Variants in TMEM225B observed in about 807,000 individuals in gnomAD.
The protein encoded by TMEM225B is transmembrane protein 225-like.
Under a neutral mutation model 16.9 loss-of-function variants are expected in TMEM225B, and 10 were observed. The observed-to-expected ratio is 0.59, with a 90% confidence interval of 0.36 to 1.00. TMEM225B has a LOEUF of 1.00. Among genes scored for constraint, TMEM225B ranks in the 50% least tolerant of loss-of-function variants. The pLI, the probability that TMEM225B is intolerant of heterozygous loss-of-function variation, is 0.01. For synonymous variants in TMEM225B, 92 were observed against 109.8 expected, an observed-to-expected ratio of 0.84 and a Z score of 1.01; for missense variants, 217 against 267.0, an observed-to-expected ratio of 0.81 and a Z score of 1.30.
chr7:99,607,539 T>G, intron 4 of TMEM225B, 134 bp from the exon 5 acceptor site: 1 of 787,436 alleles, frequency 1.3e-6, no homozygotes, highest in Non-Finnish European at 2.0e-6. Context: ...GGGACAGGCA[T>G]CTGGGTAGGA....
Position 99,610,461 on chromosome 7 carries a change from G to C in TMEM225B, c.562G>C (p.Glu188Gln). ...WHLLSTSQSM[E>Q]EDHGSLYLDN... ...CTTGTTGTCCACTTCCCAGAGTATG[G>C]AGGAGGACCACGGGAGCCTGTACCT... Residue 188 changes from glutamate to glutamine, a missense_variant, in exon 6 of 6, where the codon GAG becomes CAG. Physicochemically the swap from Glu to Gln is conservative, Grantham distance 29. Coordinates refer to ENST00000431679, the MANE Select transcript of TMEM225B (RefSeq NM_001195541.3). 1 of 1,536,114 alleles carries C rather than the reference G, an allele frequency of 6.5e-7. No homozygotes were observed. Among genetic ancestry groups the C allele is most frequent in the Non-Finnish European group, 8.7e-7 (1 of 1,146,906 alleles).
intron 2 of TMEM225B, among the ~76,000 whole-genome samples, chr7:99,602,339 GGGTGT>G (rs1268555202): frequency 6.6e-6 from 1 of 152,194 alleles, no homozygotes; most frequent in East Asian, 1.9e-4. Context: ...TCCTGAAGTT[GGGTGT>G]GGCCTCCAGC....
At chr7:99,607,540 CTGGGTAGGA>C in intron 4 of TMEM225B, 124 bp from the exon 5 acceptor site, 3 of 799,584 alleles carry the variant, frequency 3.8e-6, no homozygotes, top group Non-Finnish European at 5.7e-6. Flanking sequence ...GGACAGGCAT[CTGGGTAGGA>C]GTTTTGTTTC....
chr7:99,600,332 C>T (rs1192071382), intron 2 of TMEM225B, 47 bp downstream of exon 2: 9 of 702,218 alleles, frequency 1.3e-5, no homozygotes, highest in Middle Eastern at 4.6e-4. Context: ...GGGAGGGCTG[C>T]GTGGAGTGGA....
Position 99,600,296 on chromosome 7 carries a change from A to G in TMEM225B, c.-4+11A>G. 1 of 702,848 alleles carries G rather than the reference A, an allele frequency of 1.4e-6. No homozygotes were observed. Among genetic ancestry groups the G allele is most frequent in the Non-Finnish European group, 2.6e-6 (1 of 384,954 alleles). 43.5% of individuals were successfully genotyped at this position (702,848 alleles called of 1,614,324 possible). A position where few individuals can be genotyped will look rare whatever the true frequency, so the allele number is the denominator to read the frequency against. On this transcript the variant is annotated intron_variant, in intron 2 of 5. Coordinates refer to ENST00000431679, the MANE Select transcript of TMEM225B (RefSeq NM_001195541.3). ...GGAGTGGGGCGACCTGTAAGTGCACAGTGAATTTTTGCTGAGGGAGTGGCT... is the reference window on the plus strand; with the variant it reads ...GGAGTGGGGCGACCTGTAAGTGCACGGTGAATTTTTGCTGAGGGAGTGGCT...
chr7:99,603,263 C>A (rs1052563923), intron 2 of TMEM225B, among the ~76,000 whole-genome samples: 2 of 152,190 alleles, frequency 1.3e-5, no homozygotes, highest in African/African-American at 4.8e-5. Flanking sequence ...AGGCCAGTCA[C>A]TGAATAAGGG....
In TMEM225B at chr7:99,606,860, A is replaced by G; in HGVS notation, c.321A>G (p.Gln107=). ...AGTTCTTCCCGAGGACCTGGAAGCA[A>G]AACTTTGTGTTAGCCTGCATCAGCT... ...ASEFFPRTWK[Q]NFVLACISFF... is the part of the protein sequence containing the mutation. The change falls in exon 4 of 6, where the codon CAA becomes CAG. Residue 107 remains glutamine, a synonymous_variant. Transcript: ENST00000431679. The G allele has an allele frequency of 6.5e-7, 1 of 1,536,140 alleles. No homozygotes were observed. Among genetic ancestry groups the G allele is most frequent in the Non-Finnish European group, 8.7e-7 (1 of 1,146,894 alleles).
At chr7:99,598,994 G>A (rs9641254) in intron 1 of TMEM225B, among the ~76,000 whole-genome samples, 2 of 152,146 alleles carry the variant, frequency 1.3e-5, no homozygotes, top group Non-Finnish European at 2.9e-5. Flanking sequence ...CGCTGTGGCT[G>A]TGTCGCCCAG....
At position 99,610,712 on chromosome 7, in the gene TMEM225B, C is replaced by G. The variant is rs1049350900; in HGVS notation, c.*147C>G. On this transcript the variant is annotated 3_prime_UTR_variant, in exon 6 of 6. Coordinates refer to ENST00000431679, the MANE Select transcript of TMEM225B (RefSeq NM_001195541.3). Reference sequence around the variant, plus strand: ...TCAACTCTCCACCTCCCCATACTCACAGTGATTCTATCTTGCTTGTATGTG... The same window carrying G: ...TCAACTCTCCACCTCCCCATACTCAGAGTGATTCTATCTTGCTTGTATGTG... 9 of 594,612 alleles carry G rather than the reference C, an allele frequency of 1.5e-5. No homozygotes were observed. Among genetic ancestry groups the G allele is most frequent in the African/African-American group, 1.3e-4 (7 of 54,486 alleles). 36.8% of individuals were successfully genotyped at this position (594,612 alleles called of 1,614,324 possible).
intron 2 of TMEM225B, 131 bp downstream of exon 2, chr7:99,600,416 A>G (rs1805261103): frequency 1.5e-6 from 1 of 649,336 alleles, no homozygotes; most frequent in Non-Finnish European, 2.8e-6. Flanking sequence ...CCCCGCCCCC[A>G]GGAAGGAACC....
Position 99,604,555 on chromosome 7 carries a change from A to G in TMEM225B, c.167A>G (p.Asn56Ser), listed in dbSNP as rs2151204762. ...HEVFFSGLFENCFNAKCWKPR... is the reference protein window; with the variant it reads ...HEVFFSGLFESCFNAKCWKPR... ...GTCTTTTTCAGTGGCCTATTTGAGA[A>G]CTGCTTCAATGCCAAATGCTGGAAG... Residue 56 changes from asparagine (N) to serine (S), a missense_variant, in exon 3 of 6, where the codon AAC (asparagine) becomes AGC (serine). Physicochemically the swap from Asn to Ser is conservative, Grantham distance 46 (BLOSUM62 1). Transcript: ENST00000431679. 2 of 1,536,094 alleles carry G rather than the reference A, an allele frequency of 1.3e-6. No individual in the cohort carries two copies.
chr7:99,604,018 G>C (rs926354358), intron 2 of TMEM225B, among the ~76,000 whole-genome samples: 3 of 152,108 alleles, frequency 2.0e-5, no homozygotes, highest in African/African-American at 7.2e-5. Context: ...GCCTCCTAAA[G>C]TAGTGGGATT....
intron 2 of TMEM225B, among the ~76,000 whole-genome samples, chr7:99,602,672 C>T (rs551089990): frequency 6.6e-6 from 1 of 152,252 alleles, no homozygotes; most frequent in South Asian, 2.1e-4. Context: ...AGCACTTACC[C>T]ACCACGGTGT....
intron 5 of TMEM225B, among the ~76,000 whole-genome samples, chr7:99,608,047 G>A (rs1805974001): frequency 6.6e-6 from 1 of 152,232 alleles, no homozygotes; most frequent in Admixed American, 6.5e-5. Context: ...TTGAGGCCAG[G>A]AGTTTGAGAC....
intron 1 of TMEM225B, among the ~76,000 whole-genome samples, chr7:99,599,125 A>AT (rs769617190): frequency 0.077 from 8,877 of 115,548 alleles, 344 homozygotes; most frequent in African/African-American, 0.13. Context: ...CGCCTGGCTA[A>AT]TTTTTTTTTT....
Position 99,604,857 on chromosome 7 carries a change from G to T in TMEM225B, c.208+261G>T, listed in dbSNP as rs538841419. Among the ~76,000 whole-genome samples, 14 of 152,238 alleles carry T rather than the reference G, an allele frequency of 9.2e-5. No individual in the cohort carries two copies. The East Asian group carries it at 2.7e-3, about 29-fold the overall frequency. ...AAAATGAGAAAATTAGCTGAGCATG[G>T]TGGCATGTGCCTGTAGTCCCAGCTA... On this transcript the variant is annotated intron_variant, in intron 3 of 5. Transcript: ENST00000431679.
intron 2 of TMEM225B, among the ~76,000 whole-genome samples, chr7:99,603,226 C>T (rs1363815807): frequency 6.6e-6 from 1 of 152,200 alleles, no homozygotes; most frequent in East Asian, 1.9e-4. Flanking sequence ...CCTCTCCCCA[C>T]CTAAACCCAC....
intron 5 of TMEM225B, among the ~76,000 whole-genome samples, chr7:99,608,769 T>TTATATATGC (rs1806058025): frequency 7.1e-6 from 1 of 140,484 alleles, no homozygotes; most frequent in Admixed American, 7.0e-5. Flanking sequence ...ACACACATAT[T>TTATATATGC]TATATATGCA....
intron 3 of TMEM225B, among the ~76,000 whole-genome samples, chr7:99,606,138 C>T (rs570817043): frequency 2.6e-5 from 4 of 152,276 alleles, no homozygotes; most frequent in South Asian, 4.1e-4. Context: ...CCCATAATAA[C>T]ATTTGTTAAG....
Sources: gnomAD v4.1 joint callset for allele counts (sites outside exome capture counted in the v4.1 genomes callset) on GRCh38, gnomAD v4.1.1 for gene constraint, MANE v1.5 for transcripts, NCBI Gene and HGNC (gene_info 2026-07-23, HGNC 2026-07-21) for gene names.